STRN3: variants seen among roughly 807,000 people sequenced by gnomAD.
STRN3 encodes striatin 3.
A neutral mutation model predicts 95.6 loss-of-function variants in STRN3; 29 were observed. The ratio of observed to expected loss-of-function variants is 0.30; its 90% CI spans 0.23 to 0.41. The LOEUF is 0.41. STRN3 is among the 10% of genes least tolerant of loss of function. The probability of loss-of-function intolerance (pLI) is 1.00; values close to 1 mark genes in which losing one functional copy is unlikely to be tolerated. For missense variants in STRN3, 890 were observed against 972.1 expected (o/e 0.92, Z 1.12); for synonymous variants, 331 against 357.6 (o/e 0.93, Z 0.84).
intron 1 of STRN3, among the ~76,000 whole-genome samples, chr14:31,009,542 T>A (rs1052558321): frequency 1.4e-5 from 2 of 144,210 alleles, no homozygotes; most frequent in Admixed American, 7.0e-5. Context: ...TGAAAAGACA[T>A]GCACCCAAAA....
At chr14:30,982,630 T>C (rs975951920) in intron 1 of STRN3, among the ~76,000 whole-genome samples, 2 of 152,216 alleles carry the variant, frequency 1.3e-5, no homozygotes, top group Non-Finnish European at 1.5e-5. Context: ...TTTTAACTGG[T>C]AACTGTATTC....
intron 1 of STRN3, among the ~76,000 whole-genome samples, chr14:30,976,981 T>G (rs1365432193): frequency 6.6e-6 from 1 of 151,986 alleles, no homozygotes; most frequent in Non-Finnish European, 1.5e-5. Context: ...TCCCAGCACT[T>G]TGGGAGGCCG....
intron 1 of STRN3, among the ~76,000 whole-genome samples, chr14:30,979,418 T>C (rs909931555): frequency 6.6e-6 from 1 of 152,060 alleles, no homozygotes; most frequent in East Asian, 1.9e-4. Flanking sequence ...CTCAACAAAT[T>C]TTGTTTTTAA....
intron 16 of STRN3, among the ~76,000 whole-genome samples, chr14:30,899,749 C>A (rs558520457): frequency 2.0e-5 from 3 of 151,970 alleles, no homozygotes; most frequent in Non-Finnish European, 2.9e-5. Context: ...ATACCCCCCC[C>A]ACCCCCTCTT....
chr14:31,024,423 C>T (rs1402840532), intron 1 of STRN3, among the ~76,000 whole-genome samples: 1 of 152,162 alleles, frequency 6.6e-6, no homozygotes, highest in Non-Finnish European at 1.5e-5. Flanking sequence ...TTAAAGCAGA[C>T]TGTACACAAC....
chr14:30,934,961 A>G (rs1878744389), intron 7 of STRN3, among the ~76,000 whole-genome samples: 1 of 152,180 alleles, frequency 6.6e-6, no homozygotes, highest in Non-Finnish European at 1.5e-5. Flanking sequence ...AATCCACCAA[A>G]AGCCATATAT....
chr14:30,974,320 C>T (rs910614797), intron 1 of STRN3, among the ~76,000 whole-genome samples: 2 of 151,976 alleles, frequency 1.3e-5, no homozygotes, highest in East Asian at 3.8e-4. Flanking sequence ...AAAACAATTC[C>T]ATTCACAATA....
chr14:30,960,762 A>G (rs370805784), intron 1 of STRN3, among the ~76,000 whole-genome samples: 1 of 149,852 alleles, frequency 6.7e-6, no homozygotes, highest in Non-Finnish European at 1.5e-5. Context: ...CCAGCTACTC[A>G]GGAGGCTGAG....
chr14:30,902,560 T>C lies in STRN3; in HGVS notation c.2113A>G (p.Ile705Val). 1 of 1,602,404 alleles carries C rather than the reference T, an allele frequency of 6.2e-7. No individual in the cohort carries two copies. Among genetic ancestry groups the C allele is most frequent in the Non-Finnish European group, 8.5e-7 (1 of 1,175,882 alleles). The change falls in exon 16 of 18, where the codon ATC becomes GTC. Residue 705 changes from isoleucine (I) to valine (V), a missense_variant. By Grantham distance (29) the Ile-to-Val change is conservative (BLOSUM62 3). Transcript: ENST00000357479. ...VTITAHEDRH[I>V]KFFDNKTGKM... The stretch of plus-strand genomic sequence containing the variant: ...CCCGTTTTATTGTCAAAAAATTTGA[T>C]GTGTCTATCTTCATGAGCAGTTATT...
At chr14:30,899,409 G>A (rs1368865785) in intron 16 of STRN3, among the ~76,000 whole-genome samples, 3 of 152,146 alleles carry the variant, frequency 2.0e-5, no homozygotes, top group Non-Finnish European at 4.4e-5. Flanking sequence ...ATCATATAGT[G>A]CAAAATGTGA....
intron 1 of STRN3, among the ~76,000 whole-genome samples, chr14:30,973,378 A>G (rs1454919354): frequency 6.6e-6 from 1 of 151,750 alleles, no homozygotes; most frequent in Non-Finnish European, 1.5e-5. Context: ...GAGGGGGACA[A>G]AGAGACAGAG....
At chr14:30,937,305 C>G (rs972392166) in intron 5 of STRN3, among the ~76,000 whole-genome samples, 5 of 152,056 alleles carry the variant, frequency 3.3e-5, no homozygotes, top group Admixed American at 6.6e-5. Flanking sequence ...AGAGCAAGAC[C>G]CAGTCTCAAA....
chr14:30,919,362 G>GATATAT lies in STRN3; in HGVS notation c.1100-262_1100-257dup, dbSNP rs149599396. 4.3e-3 allele frequency among the ~76,000 whole-genome samples: 634 copies of GATATAT among 146,550 alleles called. 1 individual carries two copies. The highest frequency in any genetic ancestry group is 0.015 in the African/African-American group (591 of 40,060). On this transcript the variant is annotated intron_variant, in intron 8 of 17. Transcript: ENST00000357479. The stretch of plus-strand genomic sequence containing the variant: ...TTACATATATGTCTCTCTCTAAAGA[G>GATATAT]ATATATATATATATATATATCTCCA...
chr14:30,968,743 G>C (rs1035332001), intron 1 of STRN3, among the ~76,000 whole-genome samples: 5 of 115,386 alleles, frequency 4.3e-5, no homozygotes. Context: ...AATTATCTGT[G>C]AAAGTTGTGG....
rs145289892 is a variant in STRN3, at chr14:30,898,388, G to C, written c.2138-2640C>G. 5.0e-4 allele frequency among the ~76,000 whole-genome samples: 76 copies of C among 152,180 alleles called. 1 individual carries two copies. The highest frequency in any genetic ancestry group is 1.7e-3 in the African/African-American group (71 of 41,524). ...CAAAAGACTTTTTTCCAATACAAGAGCTACACATTTCTTTAAGGATGCTAT... is the reference window on the plus strand; with the variant it reads ...CAAAAGACTTTTTTCCAATACAAGACCTACACATTTCTTTAAGGATGCTAT... On this transcript the variant is annotated intron_variant, in intron 16 of 17. Transcript: ENST00000357479.
In STRN3 at chr14:30,919,362, G is replaced by GAGATAT. The variant is rs781601775; in HGVS notation, c.1100-257_1100-256insATATCT. The stretch of plus-strand genomic sequence containing the variant: ...TTACATATATGTCTCTCTCTAAAGA[G>GAGATAT]ATATATATATATATATATATCTCCA... On this transcript the variant is annotated intron_variant, in intron 8 of 17. Coordinates refer to ENST00000357479, the MANE Select transcript of STRN3 (RefSeq NM_001083893.2). 1.1e-4 allele frequency among the ~76,000 whole-genome samples: 16 copies of GAGATAT among 146,558 alleles called. No individual in the cohort carries two copies. The South Asian group carries it at 1.5e-3, about 14-fold the overall frequency.
intron 1 of STRN3, among the ~76,000 whole-genome samples, chr14:31,008,280 C>T (rs1188925692): frequency 2.0e-5 from 3 of 151,962 alleles, no homozygotes; most frequent in African/African-American, 7.3e-5. Flanking sequence ...GAGGCTGAGG[C>T]AGGTGGATCG....
intron 1 of STRN3, among the ~76,000 whole-genome samples, chr14:31,009,801 A>G (rs1379097517): frequency 6.6e-6 from 1 of 152,196 alleles, no homozygotes; most frequent in Non-Finnish European, 1.5e-5. Flanking sequence ...CAGTTTCTAA[A>G]CAATCAGTAA....
intron 1 of STRN3, among the ~76,000 whole-genome samples, chr14:31,011,118 A>T (rs1235392342): frequency 2.0e-5 from 3 of 152,204 alleles, no homozygotes; most frequent in Non-Finnish European, 4.4e-5. Flanking sequence ...ACAAAATTAT[A>T]ATCTAATAAA....
Sources: allele counts gnomAD v4.1 joint callset (sites outside exome capture counted in the v4.1 genomes callset), GRCh38; gene constraint gnomAD v4.1.1; transcripts MANE v1.5; gene names NCBI Gene and HGNC (gene_info 2026-07-23, HGNC 2026-07-21).